The following SCAPER variants were observed in gnomAD, a reference collection of about 807,000 sequenced individuals.
The protein encoded by SCAPER is S phase cyclin A-associated protein in the endoplasmic reticulum.
Under a neutral mutation model 182.2 loss-of-function variants are expected in SCAPER, and 98 were observed. The observed-to-expected ratio is 0.54, with a 90% CI of 0.46 to 0.64. The LOEUF is 0.64. SCAPER is among the 30% of genes least tolerant of loss of function. The probability of loss-of-function intolerance (pLI) is 0.00; values close to 1 mark genes in which losing one functional copy is unlikely to be tolerated. For synonymous variants in SCAPER, 605 were observed against 564.6 expected, an observed-to-expected ratio of 1.07 and a Z score of -1.01; for missense variants, 1,432 against 1,690.0, an observed-to-expected ratio of 0.85 and a Z score of 2.68.
intron 30 of SCAPER, among the ~76,000 whole-genome samples, chr15:76,352,012 A>G (rs1317911588): frequency 6.6e-6 from 1 of 152,220 alleles, no homozygotes; most frequent in African/African-American, 2.4e-5. Flanking sequence ...CACAAGAAAT[A>G]TATATAATCT....
At chr15:76,858,533 A>C in intron 3 of SCAPER, among the ~76,000 whole-genome samples, 1 of 151,992 alleles carries the variant, frequency 6.6e-6, no homozygotes, top group East Asian at 1.9e-4. Flanking sequence ...TACGTTTCAC[A>C]GGGGTTTGGT....
rs998089403 is a variant in SCAPER, at chr15:76,822,046, G to T, written c.394-17413C>A. ...AGGCAGAGCACAGGGGATTTTTAGG[G>T]CAATGAAACTACTCTGCATATTATT... On this transcript the variant is annotated intron_variant, in intron 5 of 31. Coordinates refer to ENST00000563290, the MANE Select transcript of SCAPER (RefSeq NM_020843.4). Among the ~76,000 whole-genome samples, 68 of 152,208 alleles carry T rather than the reference G, an allele frequency of 4.5e-4. 1 individual carries two copies. Among genetic ancestry groups the T allele is most frequent in the African/African-American group, 1.5e-3 (63 of 41,524 alleles).
At chr15:76,756,203 C>T (rs1420476829) in intron 14 of SCAPER, among the ~76,000 whole-genome samples, 1 of 138,614 alleles carries the variant, frequency 7.2e-6, no homozygotes, top group African/African-American at 2.8e-5. Flanking sequence ...GAGATTGTGC[C>T]ACAGCACTCC....
chr15:76,732,768 T>C (rs1297445629), intron 16 of SCAPER, among the ~76,000 whole-genome samples: 1 of 152,202 alleles, frequency 6.6e-6, no homozygotes, highest in African/African-American at 2.4e-5. Context: ...CACTTTCATG[T>C]TCCATCCTGT....
At chr15:76,790,613 T>G (rs1295841084) in intron 8 of SCAPER, among the ~76,000 whole-genome samples, 2 of 152,210 alleles carry the variant, frequency 1.3e-5, no homozygotes. Flanking sequence ...TTTTAATATT[T>G]GTGGTATCTC....
intron 24 of SCAPER, among the ~76,000 whole-genome samples, chr15:76,487,039 T>C (rs2051723715): frequency 6.6e-6 from 1 of 152,064 alleles, no homozygotes; most frequent in African/African-American, 2.4e-5. Context: ...TGTGGGGATA[T>C]GGAGGGAGCT....
At chr15:76,567,589 T>C (rs921360629) in intron 23 of SCAPER, among the ~76,000 whole-genome samples, 4 of 152,202 alleles carry the variant, frequency 2.6e-5, no homozygotes, top group Admixed American at 2.6e-4. Flanking sequence ...AATCACATTA[T>C]CACATTGAAT....
At chr15:76,663,227 G>A (rs370269176) in intron 21 of SCAPER, among the ~76,000 whole-genome samples, 12 of 152,100 alleles carry the variant, frequency 7.9e-5, no homozygotes, top group Non-Finnish European at 1.5e-4. Context: ...TTAGAACAAC[G>A]AGATACCACT....
Position 76,759,876 on chromosome 15 carries a change from G to A in SCAPER, c.1725+5085C>T, listed in dbSNP as rs112393753. Among the ~76,000 whole-genome samples the A allele has an allele frequency of 7.8e-3, 1,192 of 152,120 alleles. 10 individuals carry two copies. Among genetic ancestry groups the A allele is most frequent in the African/African-American group, 0.027 (1,131 of 41,482 alleles). On this transcript the variant is annotated intron_variant, in intron 14 of 31. Coordinates refer to ENST00000563290, the MANE Select transcript of SCAPER (RefSeq NM_020843.4). The stretch of plus-strand genomic sequence containing the variant: ...ATTTGGTTTGCCAGTATTTTAAAGA[G>A]GATTTCTGCATCTATGTTCATCTGG...
At chr15:76,682,236 C>T (rs545206469) in intron 20 of SCAPER, among the ~76,000 whole-genome samples, 6 of 151,986 alleles carry the variant, frequency 3.9e-5, no homozygotes, top group Admixed American at 1.3e-4. Context: ...TGTGACAGTG[C>T]ACTCACATGG....
intron 27 of SCAPER, among the ~76,000 whole-genome samples, chr15:76,404,257 G>C (rs930691844): frequency 6.6e-6 from 1 of 152,092 alleles, no homozygotes; most frequent in African/African-American, 2.4e-5. Flanking sequence ...CAGTGGAAGA[G>C]GGACTGGATG....
At chr15:76,480,933 G>A (rs968504999) in intron 24 of SCAPER, among the ~76,000 whole-genome samples, 9 of 152,084 alleles carry the variant, frequency 5.9e-5, no homozygotes, top group Admixed American at 1.3e-4. Context: ...GAGTTTCACC[G>A]TGTTAGCCAG....
At chr15:76,375,029 C>T (rs1379590001) in intron 29 of SCAPER, among the ~76,000 whole-genome samples, 1 of 151,540 alleles carries the variant, frequency 6.6e-6, no homozygotes, top group African/African-American at 2.4e-5. Context: ...GAGTTCAAGA[C>T]CAGCCTAGGC....
rs187677785 is a variant in SCAPER at position 76,491,803 on chromosome 15, T to C, written c.2954+13056A>G. ...TTTGCCACCACACCCGGCTAATTTT[T>C]GTATTTTTAATAGAGACGGGGTTTC... On this transcript the variant is annotated intron_variant, in intron 24 of 31. Transcript: ENST00000563290. Among the ~76,000 whole-genome samples, 312 of 152,264 alleles carry C rather than the reference T, an allele frequency of 2.0e-3. 1 individual carries two copies. Among genetic ancestry groups the C allele is most frequent in the Non-Finnish European group, 3.3e-3 (223 of 68,020 alleles).
intron 17 of SCAPER, among the ~76,000 whole-genome samples, chr15:76,719,309 C>A (rs1425337715): frequency 6.6e-6 from 1 of 152,080 alleles, no homozygotes; most frequent in Non-Finnish European, 1.5e-5. Flanking sequence ...ATTGCATGAT[C>A]TCACTTATAT....
chr15:76,828,656 G>A (rs964085536), intron 5 of SCAPER, among the ~76,000 whole-genome samples: 10 of 152,164 alleles, frequency 6.6e-5, no homozygotes, highest in African/African-American at 2.4e-4. Flanking sequence ...CAGGGAATAT[G>A]CAGAATAAGG....
chr15:76,393,561 A>G (rs1335457302), intron 27 of SCAPER, among the ~76,000 whole-genome samples: 1 of 152,246 alleles, frequency 6.6e-6, no homozygotes, highest in African/African-American at 2.4e-5. Flanking sequence ...GGTGGAAAGT[A>G]GCAGGCTATA....
intron 20 of SCAPER, among the ~76,000 whole-genome samples, chr15:76,699,497 T>A (rs912177260): frequency 6.6e-6 from 1 of 152,224 alleles, no homozygotes; most frequent in South Asian, 2.1e-4. Flanking sequence ...ATCTTCGAAA[T>A]TGCTGTCCTT....
At chr15:76,381,806 G>C (rs1204023775) in intron 27 of SCAPER, among the ~76,000 whole-genome samples, 191 bp from the exon 28 acceptor site, 2 of 152,152 alleles carry the variant, frequency 1.3e-5, no homozygotes, top group Non-Finnish European at 2.9e-5. Context: ...TTCTTCTCCT[G>C]GAAGACCAGG....
Sources: gnomAD v4.1 joint callset for allele counts (sites outside exome capture counted in the v4.1 genomes callset) on GRCh38, gnomAD v4.1.1 for gene constraint, MANE v1.5 for transcripts, NCBI Gene and HGNC (gene_info 2026-07-23, HGNC 2026-07-21) for gene names.